The following UGT1A10 variants were observed in gnomAD, a reference collection of about 807,000 sequenced individuals.
UGT1A10 encodes UDP-glucuronosyltransferase 1A10.
A neutral mutation model predicts 45.8 loss-of-function variants in UGT1A10; 49 were observed. The observed-to-expected ratio is 1.07, with a 90% CI of 0.85 to 1.36. UGT1A10 has a LOEUF of 1.36. UGT1A10 is among the 40% of genes most tolerant of loss of function. UGT1A10 has a pLI of 0.00. For synonymous variants in UGT1A10, 284 were observed against 249.7 expected (o/e 1.14, Z -1.29); for missense variants, 745 against 668.6 (o/e 1.11, Z -1.26).
At chr2:233,726,191 A>T (rs942571652) in intron 1 of UGT1A10, among the ~76,000 whole-genome samples, 2 of 152,194 alleles carry the variant, frequency 1.3e-5, no homozygotes, top group African/African-American at 4.8e-5. Context: ...TCTTTGGCAT[A>T]TGGAAATCTT....
intron 1 of UGT1A10, among the ~76,000 whole-genome samples, chr2:233,757,579 A>G (rs962970301): frequency 1.1e-5 from 1 of 92,092 alleles, no homozygotes; most frequent in Non-Finnish European, 2.2e-5. Flanking sequence ...TGATATAGCT[A>G]TAGTCTAATA....
chr2:233,672,534 C>T, intron 1 of UGT1A10: 1 of 1,613,882 alleles, frequency 6.2e-7, no homozygotes, highest in East Asian at 2.2e-5. Flanking sequence ...TCTCAGATGC[C>T]ATGACTTTCA....
At chr2:233,723,536 T>TTTTTA (rs1553611580) in intron 1 of UGT1A10, among the ~76,000 whole-genome samples, 1 of 121,444 alleles carries the variant, frequency 8.2e-6, no homozygotes, top group African/African-American at 3.3e-5. Flanking sequence ...TTTTTTTTTT[T>TTTTTA]AATTTATTTT....
intron 1 of UGT1A10, among the ~76,000 whole-genome samples, chr2:233,666,505 T>C (rs1478361397): frequency 6.6e-6 from 1 of 152,220 alleles, no homozygotes; most frequent in African/African-American, 2.4e-5. Flanking sequence ...GGTTATTCTC[T>C]GTTCAAATCT....
intron 1 of UGT1A10, among the ~76,000 whole-genome samples, chr2:233,642,546 C>T (rs531983104): frequency 1.3e-5 from 2 of 152,146 alleles, no homozygotes; most frequent in African/African-American, 2.4e-5. Context: ...TTGATGAGGT[C>T]ATGGTTTTCC....
At chr2:233,767,827 C>G in intron 2 of UGT1A10, 22 bp from the exon 3 acceptor site, 2 of 1,614,176 alleles carry the variant, frequency 1.2e-6, no homozygotes, top group Non-Finnish European at 1.7e-6. Flanking sequence ...TCTTTACGTT[C>G]TGCTCTTTTT....
At position 233,767,890 on chromosome 2, in the gene UGT1A10, G is replaced by C; in HGVS notation, c.1029G>C (p.Ala343=). The C allele has an allele frequency of 6.2e-7, 1 of 1,614,096 alleles. No individual in the cohort carries two copies. The highest frequency in any genetic ancestry group is 8.5e-7 in the Non-Finnish European group (1 of 1,180,038). Residue 343 remains alanine (A), a synonymous_variant, in exon 3 of 5, where the codon GCG becomes GCC. Coordinates refer to ENST00000344644, the MANE Select transcript of UGT1A10 (RefSeq NM_019075.4). The part of the protein sequence containing the change: ...RYTGTRPSNL[A]NNTILVKWLP... ...CTGGAACCCGACCATCGAATCTTGCGAACAACACGATACTTGTTAAGTGGC... is the reference window on the plus strand; with the variant it reads ...CTGGAACCCGACCATCGAATCTTGCCAACAACACGATACTTGTTAAGTGGC...
At chr2:233,694,242 C>T (rs2075207080) in intron 1 of UGT1A10, among the ~76,000 whole-genome samples, 2 of 151,944 alleles carry the variant, frequency 1.3e-5, no homozygotes, top group Non-Finnish European at 2.9e-5. Context: ...GTCTCTGGAC[C>T]TTGAGCCAGG....
intron 1 of UGT1A10, chr2:233,747,401 A>G: frequency 6.2e-7 from 1 of 1,606,744 alleles, no homozygotes; most frequent in East Asian, 2.2e-5. Flanking sequence ...TCCTCACCCC[A>G]GAGGTGAATA....
intron 1 of UGT1A10, among the ~76,000 whole-genome samples, chr2:233,759,074 G>A (rs550324440): frequency 5.3e-5 from 8 of 152,342 alleles, no homozygotes; most frequent in African/African-American, 1.9e-4. Flanking sequence ...GAATTTGGAA[G>A]AAAGAGACTT....
At chr2:233,764,677 A>G (rs1698620096) in intron 1 of UGT1A10, among the ~76,000 whole-genome samples, 1 of 152,174 alleles carries the variant, frequency 6.6e-6, no homozygotes, top group Non-Finnish European at 1.5e-5. Flanking sequence ...CAGAAGAAAG[A>G]ACTTGAAGAG....
At chr2:233,661,628 T>TTTCC (rs1205342126) in intron 1 of UGT1A10, among the ~76,000 whole-genome samples, 29 of 105,762 alleles carry the variant, frequency 2.7e-4, no homozygotes, top group African/African-American at 7.9e-4. Flanking sequence ...CTGAATTTTC[T>TTTCC]TTCTTTCTTT....
chr2:233,690,011 T>C (rs913512213), intron 1 of UGT1A10: 3 of 442,948 alleles, frequency 6.8e-6, no homozygotes, highest in African/African-American at 4.1e-5. Flanking sequence ...TCTCACCATT[T>C]TGGACCTTCC....
intron 1 of UGT1A10, among the ~76,000 whole-genome samples, chr2:233,717,104 T>G (rs535870475): frequency 2.6e-5 from 4 of 152,074 alleles, no homozygotes; most frequent in Non-Finnish European, 5.9e-5. Context: ...ACTATCTAAA[T>G]AAAACACCAC....
chr2:233,663,464 C>G (rs113502929), intron 1 of UGT1A10, among the ~76,000 whole-genome samples: 2 of 152,082 alleles, frequency 1.3e-5, no homozygotes, highest in African/African-American at 4.8e-5. Context: ...AGCAGATGAG[C>G]CAGTTTATTG....
intron 1 of UGT1A10, among the ~76,000 whole-genome samples, chr2:233,687,600 A>AG (rs1235597236): frequency 6.6e-6 from 1 of 151,498 alleles, no homozygotes; most frequent in East Asian, 1.9e-4. Context: ...AAAAAAAAAA[A>AG]AAAAAAAGGA....
At chr2:233,647,331 A>T (rs138578665) in intron 1 of UGT1A10, among the ~76,000 whole-genome samples, 2 of 152,314 alleles carry the variant, frequency 1.3e-5, no homozygotes, top group African/African-American at 4.8e-5. Context: ...TAAGGTCATG[A>T]GGATCTGTAG....
intron 1 of UGT1A10, among the ~76,000 whole-genome samples, chr2:233,698,020 CA>C (rs1249680448): frequency 6.6e-6 from 1 of 151,888 alleles, no homozygotes; most frequent in African/African-American, 2.4e-5. Context: ...ACATTGGTAC[CA>C]ATTATCTTAT....
chr2:233,640,182 A>G (rs2125462592), intron 1 of UGT1A10, among the ~76,000 whole-genome samples: 1 of 152,332 alleles, frequency 6.6e-6, no homozygotes, highest in African/African-American at 2.4e-5. Context: ...TGTTTACTTC[A>G]AGTATTTATT....
Sources: gnomAD v4.1 joint callset for allele counts (sites outside exome capture counted in the v4.1 genomes callset) on GRCh38, gnomAD v4.1.1 for gene constraint, MANE v1.5 for transcripts, NCBI Gene and HGNC (gene_info 2026-07-23, HGNC 2026-07-21) for gene names.